ADRA1B: variants seen among roughly 807,000 people sequenced by gnomAD.
The protein encoded by ADRA1B is alpha-1B adrenergic receptor.
A neutral mutation model predicts 17.9 loss-of-function variants in ADRA1B; 17 were observed. That is an observed-to-expected ratio of 0.95 (90% CI 0.65 to 1.42). The LOEUF is 1.42. Ranked by LOEUF, ADRA1B falls within the 40% of genes most tolerant of loss-of-function variation. The pLI is 0.00. For synonymous variants in ADRA1B, 366 were observed against 327.6 expected (o/e 1.12, Z -1.27); for missense variants, 681 against 722.1 (o/e 0.94, Z 0.65).
intron 1 of ADRA1B, among the ~76,000 whole-genome samples, chr5:159,926,610 G>A (rs1754658581): frequency 6.6e-6 from 1 of 152,310 alleles, no homozygotes; most frequent in South Asian, 2.1e-4. Context: ...AATGGGGCCA[G>A]CCATGGTGGC....
At chr5:159,951,386 A>G (rs1755435095) in intron 1 of ADRA1B, 1 of 914,122 alleles carries the variant, frequency 1.1e-6, no homozygotes, top group Non-Finnish European at 1.8e-6. Flanking sequence ...AGTTGAGGTC[A>G]ATGAAGGGTC....
At position 159,972,050 on chromosome 5, in the gene ADRA1B, G is replaced by GACGCCGCCA; in HGVS notation, c.1129_1130insAACGCCGCC (p.Arg376_Arg377insGlnArgArg). 7.4e-7 allele frequency: 1 copy of GACGCCGCCA among 1,359,332 alleles called. No individual in the cohort carries two copies. The highest frequency in any genetic ancestry group is 9.5e-7 in the Non-Finnish European group (1 of 1,055,194). 84.2% of individuals were successfully genotyped at this position (1,359,332 alleles called of 1,614,324 possible). A position where few individuals can be genotyped will look rare whatever the true frequency, so the allele number is the denominator to read the frequency against. ...CAGTGCCGCGGCCGCGGCCGCCGCC[G>GACGCCGCCA]ACGCCGCCGCCGCCGTCGCCTGGGC... On this transcript the variant is annotated inframe_insertion, in exon 2 of 2. Coordinates refer to ENST00000306675, the MANE Select transcript of ADRA1B (RefSeq NM_000679.4).
At chr5:159,906,979 C>T (rs967056945) in intron 1 of ADRA1B, among the ~76,000 whole-genome samples, 1 of 152,210 alleles carries the variant, frequency 6.6e-6, no homozygotes, top group African/African-American at 2.4e-5. Flanking sequence ...GAGGTTCACA[C>T]GAGTCCCCCT....
At chr5:159,963,746 C>T (rs1561610252) in intron 1 of ADRA1B, among the ~76,000 whole-genome samples, 1 of 152,132 alleles carries the variant, frequency 6.6e-6, no homozygotes, top group Non-Finnish European at 1.5e-5. Context: ...AGTGTTGAGA[C>T]CTCCACTGTT....
intron 1 of ADRA1B, among the ~76,000 whole-genome samples, chr5:159,949,600 C>T (rs889404338): frequency 1.3e-5 from 2 of 152,190 alleles, no homozygotes; most frequent in African/African-American, 4.8e-5. Context: ...CCAGATTGTT[C>T]TTTTAAACAA....
At chr5:159,878,052 G>C (rs1561580638) in intron 1 of ADRA1B, among the ~76,000 whole-genome samples, 1 of 152,184 alleles carries the variant, frequency 6.6e-6, no homozygotes, top group East Asian at 1.9e-4. Flanking sequence ...GGTCTCTTCA[G>C]CTTGGTCTTG....
chr5:159,917,787 G>C lies in ADRA1B; in HGVS notation c.882G>C (p.Lys294Asn). The change falls in exon 1 of 2, where the codon AAG (lysine) becomes AAC (asparagine). Residue 294 changes from lysine (K) to asparagine (N), a missense_variant. Around this residue, in one of 3 missense-constraint regions of ADRA1B, gnomAD observed 424 missense variants for 480.2 expected, o/e 0.88. Coordinates refer to ENST00000306675, the MANE Select transcript of ADRA1B (RefSeq NM_000679.4). ...TCTCCAGGGAAAAGAAAGCAGCTAA[G>C]ACGTTGGGCATTGTGGTCGGTATGT... Reference protein sequence around the residue: ...FKFSREKKAAKTLGIVVGMFI... With the variant: ...FKFSREKKAANTLGIVVGMFI... The C allele has an allele frequency of 1.9e-6, 3 of 1,613,858 alleles. No individual in the cohort carries two copies. The highest frequency in any genetic ancestry group is 2.5e-6 in the Non-Finnish European group (3 of 1,180,022).
At chr5:159,921,874 C>T (rs1048441012) in intron 1 of ADRA1B, among the ~76,000 whole-genome samples, 2 of 152,156 alleles carry the variant, frequency 1.3e-5, no homozygotes, top group East Asian at 1.9e-4. Flanking sequence ...AGAGCCACCC[C>T]GACAAACACA....
At chr5:159,956,846 C>T (rs1216079893) in intron 1 of ADRA1B, among the ~76,000 whole-genome samples, 1 of 152,144 alleles carries the variant, frequency 6.6e-6, no homozygotes, top group Non-Finnish European at 1.5e-5. Context: ...ATATCTTCCA[C>T]AAAAATATAC....
intron 1 of ADRA1B, among the ~76,000 whole-genome samples, chr5:159,966,182 A>G (rs1323621966): frequency 6.6e-6 from 1 of 152,236 alleles, no homozygotes; most frequent in Non-Finnish European, 1.5e-5. Context: ...TACATGTAGT[A>G]AAATAGACCC....
In ADRA1B at chr5:159,893,642, A is replaced by T. The variant is rs372090756; in HGVS notation, c.-255-22477A>T. ...CTTTCTTTCATTTGTTCAGTCATTC[A>T]GTAAGTATTTCCTAGCTTTCTGCTG... On this transcript the variant is annotated intron_variant, in intron 1 of 2. Transcript: ENST00000641205. Among the ~76,000 whole-genome samples, 15 of 152,334 alleles carry T rather than the reference A, an allele frequency of 9.8e-5. No individual in the cohort carries two copies. In the East Asian group the frequency reaches 2.9e-3, roughly 29 times the overall value.
At chr5:159,974,828 A>C (rs1042859818), downstream of ADRA1B, among the ~76,000 whole-genome samples, 1 of 152,196 alleles carries the variant, frequency 6.6e-6, no homozygotes, top group Non-Finnish European at 1.5e-5. Context: ...ACTGGATTTT[A>C]GTAATTTTCT....
chr5:159,915,794 C>T (rs138356679), upstream of ADRA1B, among the ~76,000 whole-genome samples: 4 of 152,340 alleles, frequency 2.6e-5, no homozygotes, highest in African/African-American at 9.6e-5. Context: ...TCACATTACA[C>T]ACCTCATCAT....
At chr5:159,966,602 C>T (rs1270964124) in intron 1 of ADRA1B, among the ~76,000 whole-genome samples, 2 of 152,178 alleles carry the variant, frequency 1.3e-5, no homozygotes, top group African/African-American at 2.4e-5. Context: ...TGTTCACCTA[C>T]CAAACAAGTG....
At chr5:159,958,733 C>T (rs1755611925) in intron 1 of ADRA1B, among the ~76,000 whole-genome samples, 2 of 152,186 alleles carry the variant, frequency 1.3e-5, no homozygotes, top group Admixed American at 1.3e-4. Flanking sequence ...TGGATAGAGA[C>T]TTCCTATACA....
chr5:159,957,465 A>G lies in ADRA1B; in HGVS notation c.950-14414A>G, dbSNP rs992708173. Among the ~76,000 whole-genome samples, 199 of 151,402 alleles carry G rather than the reference A, an allele frequency of 1.3e-3. 1 individual carries two copies. The highest frequency in any genetic ancestry group is 5.8e-4 in the East Asian group (3 of 5,152). On this transcript the variant is annotated intron_variant, in intron 1 of 1. Coordinates refer to ENST00000306675, the MANE Select transcript of ADRA1B (RefSeq NM_000679.4). ...GGCTGCAGTGAGCTGAGATCATGCA[A>G]CTGCGCTCCAATCTGGGCAATAGAG... is the stretch of plus-strand genomic sequence containing the variant.
In ADRA1B at chr5:159,927,582, A is replaced by T. The variant is rs1477546038; in HGVS notation, c.949+9728A>T. Among the ~76,000 whole-genome samples, 3 of 152,170 alleles carry T rather than the reference A, an allele frequency of 2.0e-5. No individual in the cohort carries two copies. The East Asian group carries it at 5.8e-4, about 29-fold the overall frequency. ...ACTGGGTCTTTCTGTTGGGTAATAT[A>T]TCACTGTTTTCTAATAGGGTGACCA... On this transcript the variant is annotated intron_variant, in intron 1 of 1. Coordinates refer to ENST00000306675, the MANE Select transcript of ADRA1B (RefSeq NM_000679.4).
In ADRA1B at chr5:159,889,889, A is replaced by T. The variant is rs150658656; in HGVS notation, c.-256+24683A>T. On this transcript the variant is annotated intron_variant, in intron 1 of 2. Coordinates refer to the ADRA1B transcript ENST00000641205. Reference sequence around the variant, plus strand: ...TTCCTTCCTTGTTTTATAACCAGAGATCTTCCTTCTTGAACCTAACACTTA... The same window carrying T: ...TTCCTTCCTTGTTTTATAACCAGAGTTCTTCCTTCTTGAACCTAACACTTA... Among the ~76,000 whole-genome samples the T allele has an allele frequency of 9.8e-5, 15 of 152,328 alleles. No individual in the cohort carries two copies. The East Asian group carries it at 2.3e-3, about 24-fold the overall frequency.
chr5:159,882,468 G>A (rs899877948), intron 1 of ADRA1B, among the ~76,000 whole-genome samples: 9 of 152,182 alleles, frequency 5.9e-5, no homozygotes, highest in African/African-American at 2.2e-4. Flanking sequence ...AGAGCAACTT[G>A]CCCACGATCA....
Sources: gnomAD v4.1 joint callset for allele counts (sites outside exome capture counted in the v4.1 genomes callset) on GRCh38, gnomAD v4.1.1 for gene constraint, gnomAD v4.1.1 regional missense constraint, MANE v1.5 for transcripts, NCBI Gene and HGNC (gene_info 2026-07-23, HGNC 2026-07-21) for gene names.